The following ANO3 variants were observed in gnomAD, a reference collection of about 807,000 sequenced individuals.
ANO3 encodes anoctamin-3.
ANO3 carries 99 observed loss-of-function variants against 144.8 expected under a neutral mutation model. The observed-to-expected ratio is 0.68, with a 90% confidence interval of 0.58 to 0.81. The LOEUF (loss-of-function observed/expected upper bound fraction) is 0.81, where lower values mean the gene tolerates loss of function less well. Among genes scored for constraint, ANO3 ranks in the 30% least tolerant of loss-of-function variants. The pLI is 0.00. For missense variants in ANO3, 905 were observed against 1,202.2 expected (o/e 0.75, Z 3.66); for synonymous variants, 414 against 392.6 (o/e 1.05, Z -0.64).
chr11:26,584,425 C>T (rs1192691232), intron 14 of ANO3, among the ~76,000 whole-genome samples: 1 of 152,144 alleles, frequency 6.6e-6, no homozygotes, highest in African/African-American at 2.4e-5. Flanking sequence ...TCCCAAAGTG[C>T]TGGGATTATA....
intron 1 of ANO3, among the ~76,000 whole-genome samples, chr11:26,246,520 G>T (rs932346318): frequency 2.0e-5 from 3 of 147,336 alleles, no homozygotes; most frequent in Non-Finnish European, 4.5e-5. Context: ...ATGTTTCAAG[G>T]CTATCTGTAA....
chr11:26,300,182 C>T (rs557314410), intron 1 of ANO3, among the ~76,000 whole-genome samples: 11 of 151,980 alleles, frequency 7.2e-5, no homozygotes, highest in East Asian at 1.9e-4. Context: ...GGAGGAAGTG[C>T]GATGCCCATG....
intron 12 of ANO3, among the ~76,000 whole-genome samples, chr11:26,549,913 C>T (rs917498710): frequency 4.6e-5 from 7 of 151,838 alleles, no homozygotes; most frequent in Non-Finnish European, 1.5e-5. Context: ...AAAGTCGTTT[C>T]TTAGAGGATT....
intron 1 of ANO3, among the ~76,000 whole-genome samples, chr11:26,372,591 TTTTC>T (rs1210068847): frequency 4.6e-5 from 7 of 152,368 alleles, no homozygotes; most frequent in South Asian, 4.1e-4. Flanking sequence ...ATCTCAATTA[TTTTC>T]TTTATCAAAG....
chr11:26,303,719 T>C (rs1241353140), intron 1 of ANO3, among the ~76,000 whole-genome samples: 1 of 152,108 alleles, frequency 6.6e-6, no homozygotes, highest in Admixed American at 6.6e-5. Flanking sequence ...ATTATTATTG[T>C]TATTATTTTA....
intron 1 of ANO3, among the ~76,000 whole-genome samples, chr11:26,313,000 G>T (rs754963495): frequency 3.9e-5 from 6 of 152,186 alleles, no homozygotes; most frequent in African/African-American, 7.2e-5. Flanking sequence ...TTCAGAGAGA[G>T]TGTACTTTAA....
chr11:26,385,675 G>T lies in ANO3; in HGVS notation c.46+53354G>T, dbSNP rs139481639. On this transcript the variant is annotated intron_variant, in intron 1 of 26. Coordinates refer to ENST00000256737, the MANE Select transcript of ANO3 (RefSeq NM_031418.4). ...CCTGTGATTACACTGGGCCTATCGG[G>T]GTAATCCATATTCCTCTTCACATCT... Among the ~76,000 whole-genome samples the T allele has an allele frequency of 1.2e-3, 180 of 151,974 alleles. 1 individual carries two copies. The highest frequency in any genetic ancestry group is 4.0e-3 in the African/African-American group (164 of 41,442).
chr11:26,380,839 G>A (rs753410510), intron 1 of ANO3, among the ~76,000 whole-genome samples: 4 of 151,962 alleles, frequency 2.6e-5, no homozygotes, highest in Non-Finnish European at 5.9e-5. Flanking sequence ...AAAATTAGCC[G>A]GTTGTGGTGG....
upstream of ANO3, chr11:26,332,085 C>A (rs553078207): frequency 6.9e-7 from 1 of 1,450,104 alleles, no homozygotes; most frequent in Non-Finnish European, 9.1e-7. Context: ...CGCTAGACCG[C>A]CCTCCCGCGT....
intron 14 of ANO3, among the ~76,000 whole-genome samples, chr11:26,566,425 G>C (rs1590552126): frequency 6.6e-6 from 1 of 151,844 alleles, no homozygotes. Context: ...AAGTGAGTCA[G>C]TCAGGAATAC....
intron 1 of ANO3, among the ~76,000 whole-genome samples, chr11:26,397,999 A>G (rs1000965845): frequency 2.7e-5 from 4 of 150,320 alleles, no homozygotes; most frequent in Non-Finnish European, 4.5e-5. Flanking sequence ...CTCAATCACT[A>G]TAAGGATGGG....
chr11:26,463,054 C>G lies in ANO3; in HGVS notation c.338C>G (p.Thr113Arg), dbSNP rs768773128. The change falls in exon 4 of 27, where the codon ACG (threonine) becomes AGG (arginine). Residue 113 changes from threonine to arginine, a missense_variant. Coordinates refer to ENST00000256737, the MANE Select transcript of ANO3 (RefSeq NM_031418.4). ...CLALGKDKDY[T>R]DESEHATYDR... ...GCCCTAGGAAAAGATAAGGATTACA[C>G]GGATGAATCAGAACACGCTACTTAT... is the stretch of plus-strand genomic sequence containing the variant. 1 of 1,584,830 alleles carries G rather than the reference C, an allele frequency of 6.3e-7. No individual in the cohort carries two copies. The highest frequency in any genetic ancestry group is 2.3e-5 in the East Asian group (1 of 43,908).
chr11:26,456,291 T>C (rs1859157008), intron 3 of ANO3, among the ~76,000 whole-genome samples: 2 of 152,214 alleles, frequency 1.3e-5, no homozygotes, highest in South Asian at 2.1e-4. Context: ...ACAGGCAACC[T>C]ACAAAATGGG....
At chr11:26,604,744 G>T (rs933301288) in intron 17 of ANO3, among the ~76,000 whole-genome samples, 1 of 152,082 alleles carries the variant, frequency 6.6e-6, no homozygotes, top group African/African-American at 2.4e-5. Flanking sequence ...AGGAATGCTT[G>T]TGATTTTTGC....
At chr11:26,236,837 A>AGCGCGTAAGTACATGTGTTTTCTCAGT (rs1852541450) in intron 1 of ANO3, among the ~76,000 whole-genome samples, 1 of 149,138 alleles carries the variant, frequency 6.7e-6, no homozygotes, top group African/African-American at 2.4e-5. Context: ...AAAAAAAAAA[A>AGCGCGTAAGTACATGTGTTTTCTCAGT]GAATCTAAAA....
At chr11:26,546,659 G>T (rs1190493860) in intron 11 of ANO3, among the ~76,000 whole-genome samples, 1 of 151,954 alleles carries the variant, frequency 6.6e-6, no homozygotes, top group Admixed American at 6.6e-5. Flanking sequence ...CAACTGAGTA[G>T]TTATTCGAGC....
chr11:26,637,700 AT>A (rs1853006409), intron 20 of ANO3, among the ~76,000 whole-genome samples: 1 of 152,180 alleles, frequency 6.6e-6, no homozygotes, highest in Non-Finnish European at 1.5e-5. Flanking sequence ...AAGCATGACC[AT>A]TTGCAAATCC....
At chr11:26,472,023 A>C (rs968494101) in intron 4 of ANO3, among the ~76,000 whole-genome samples, 3 of 152,012 alleles carry the variant, frequency 2.0e-5, no homozygotes, top group Non-Finnish European at 2.9e-5. Flanking sequence ...AAAAGTATAC[A>C]TAGTTTGATG....
intron 1 of ANO3, among the ~76,000 whole-genome samples, chr11:26,318,410 T>C (rs1854678804): frequency 6.6e-6 from 1 of 152,210 alleles, no homozygotes; most frequent in Non-Finnish European, 1.5e-5. Context: ...CTTTCTCAGC[T>C]GCATCCATGT....
Sources: gnomAD v4.1 joint callset for allele counts (sites outside exome capture counted in the v4.1 genomes callset) on GRCh38, gnomAD v4.1.1 for gene constraint, MANE v1.5 for transcripts, NCBI Gene and HGNC (gene_info 2026-07-23, HGNC 2026-07-21) for gene names.